The following USP24 variants were observed in gnomAD, a reference collection of about 807,000 sequenced individuals.
USP24 encodes the protein ubiquitin specific peptidase 24.
USP24 carries 97 observed loss-of-function variants against 361.6 expected under a neutral mutation model. The ratio of observed to expected loss-of-function variants is 0.27; its 90% CI spans 0.23 to 0.32. USP24 has a LOEUF of 0.32. Ranked by LOEUF, USP24 falls within the 10% of genes least tolerant of loss-of-function variation. The probability of loss-of-function intolerance (pLI) is 1.00; values close to 1 mark genes in which losing one functional copy is unlikely to be tolerated. For synonymous variants in USP24, 1,098 were observed against 1,124.6 expected, an observed-to-expected ratio of 0.98 and a Z score of 0.47; for missense variants, 2,353 against 3,165.6, an observed-to-expected ratio of 0.74 and a Z score of 6.16.
intron 7 of USP24, among the ~76,000 whole-genome samples, chr1:55,162,687 C>T (rs1433870053): frequency 6.6e-6 from 1 of 151,960 alleles, no homozygotes; most frequent in Non-Finnish European, 1.5e-5. Flanking sequence ...GGGGAGACAC[C>T]ATGTTTCTAA....
chr1:55,206,767 A>C (rs1000454383), intron 1 of USP24, among the ~76,000 whole-genome samples: 13 of 152,092 alleles, frequency 8.5e-5, no homozygotes, highest in African/African-American at 2.9e-4. Flanking sequence ...AGGCTATTCC[A>C]TAAAAAAGAG....
intron 1 of USP24, among the ~76,000 whole-genome samples, chr1:55,186,630 G>A (rs371674495): frequency 6.6e-6 from 1 of 152,182 alleles, no homozygotes; most frequent in East Asian, 1.9e-4. Flanking sequence ...GGAAGATCTT[G>A]AAGATATTAT....
intron 23 of USP24, 127 bp downstream of exon 23, chr1:55,142,615 C>G: frequency 2.9e-6 from 2 of 678,546 alleles, no homozygotes; most frequent in South Asian, 4.5e-5. Context: ...CAATATGGTA[C>G]TGTTGATAAA....
chr1:55,116,383 C>G (rs2100576125), intron 38 of USP24, among the ~76,000 whole-genome samples: 1 of 150,970 alleles, frequency 6.6e-6, no homozygotes, highest in East Asian at 1.9e-4. Flanking sequence ...CAAAAGTTGC[C>G]TCTTTGAATG....
intron 67 of USP24, chr1:55,071,372 T>C: frequency 1.0e-6 from 1 of 991,072 alleles, no homozygotes; most frequent in Non-Finnish European, 1.2e-6. Flanking sequence ...AAAATACATG[T>C]CAAAATTTTC....
At chr1:55,143,871 A>G (rs924605539) in intron 21 of USP24, among the ~76,000 whole-genome samples, 1 of 152,082 alleles carries the variant, frequency 6.6e-6, no homozygotes, top group Non-Finnish European at 1.5e-5. Context: ...GGCTGTCCCT[A>G]GATCAGCCAG....
chr1:55,137,675 T>C lies in USP24; in HGVS notation c.3041A>G (p.Lys1014Arg). 1 of 1,611,872 alleles carries C rather than the reference T, an allele frequency of 6.2e-7. No homozygotes were observed. Among genetic ancestry groups the C allele is most frequent in the Non-Finnish European group, 8.5e-7 (1 of 1,179,048 alleles). Residue 1014 changes from lysine (K) to arginine (R), a missense_variant, in exon 28 of 68, where the codon AAA (lysine) becomes AGA (arginine). Physicochemically the swap from Lys to Arg is conservative, Grantham distance 26 (BLOSUM62 2). Coordinates refer to ENST00000294383, the MANE Select transcript of USP24 (RefSeq NM_015306.3). ...FTNDSLLTVN[K>R]DQKLLHQLGF... is the part of the protein sequence containing the mutation. ...CAGTTGGTGGAGTAGCTTTTGATCT[T>C]TATTCACTGTCAGCTGCAAAAAGTG...
chr1:55,190,269 A>ACTAC (rs1644252196), intron 1 of USP24, among the ~76,000 whole-genome samples: 1 of 152,190 alleles, frequency 6.6e-6, no homozygotes, highest in African/African-American at 2.4e-5. Context: ...TGGTCTTAAA[A>ACTAC]CTGGAAGCAA....
intron 5 of USP24, among the ~76,000 whole-genome samples, chr1:55,167,417 G>C (rs891869412): frequency 3.3e-5 from 5 of 152,146 alleles, no homozygotes; most frequent in Non-Finnish European, 7.3e-5. Flanking sequence ...GCTGGGACAC[G>C]GTGAGCCAGG....
At position 55,120,738 on chromosome 1, in the gene USP24, C is replaced by T. The variant is rs1375434791; in HGVS notation, c.4366G>A (p.Asp1456Asn). The change falls in exon 38 of 68, where the codon GAT becomes AAT. Residue 1456 changes from aspartate (D) to asparagine (N), a missense_variant. Coordinates refer to ENST00000294383, the MANE Select transcript of USP24 (RefSeq NM_015306.3). The stretch of plus-strand genomic sequence containing the variant: ...GTCTGACTAAGAGTGTACAGCTGAT[C>T]ACAGGCAACCCGGCGAATCTGAAAT... The part of the protein sequence containing the change: ...PSAEIRRVAC[D>N]QLYTLSQTDT... 6.4e-7 allele frequency: 1 copy of T among 1,571,440 alleles called. No homozygotes were observed. Among genetic ancestry groups the T allele is most frequent in the East Asian group, 2.3e-5 (1 of 43,112 alleles).
chr1:55,135,836 T>C (rs1052527679), intron 28 of USP24, among the ~76,000 whole-genome samples: 3 of 152,164 alleles, frequency 2.0e-5, no homozygotes, highest in Admixed American at 6.5e-5. Flanking sequence ...TTCTAGACTA[T>C]AAAAGCCTAA....
At chr1:55,120,145 A>G (rs1005220562) in intron 38 of USP24, among the ~76,000 whole-genome samples, 3 of 152,160 alleles carry the variant, frequency 2.0e-5, no homozygotes, top group Admixed American at 6.5e-5. Context: ...TAGTCATCTC[A>G]TGAGTTTGGA....
At chr1:55,080,430 T>G (rs989079606) in intron 59 of USP24, among the ~76,000 whole-genome samples, 4 of 152,232 alleles carry the variant, frequency 2.6e-5, no homozygotes, top group African/African-American at 9.6e-5. Context: ...GGTCTGAGTT[T>G]GCATTCATGC....
chr1:55,070,127 T>C (rs1049112602), intron 67 of USP24, among the ~76,000 whole-genome samples: 1 of 151,476 alleles, frequency 6.6e-6, no homozygotes, highest in Admixed American at 6.6e-5. Flanking sequence ...CGGGATGACA[T>C]GGGGGTGCTG....
intron 37 of USP24, among the ~76,000 whole-genome samples, 179 bp downstream of exon 37, chr1:55,121,257 G>C (rs1055041597): frequency 1.3e-5 from 2 of 152,172 alleles, no homozygotes; most frequent in African/African-American, 4.8e-5. Context: ...GGAGGTAGTA[G>C]AAGGAAAGGC....
chr1:55,172,974 T>A (rs549512736), intron 3 of USP24, among the ~76,000 whole-genome samples: 11 of 152,222 alleles, frequency 7.2e-5, no homozygotes, highest in East Asian at 1.9e-4. Flanking sequence ...TTAAAAGATA[T>A]AACAAATATA....
chr1:55,195,601 G>A (rs1644396673), intron 1 of USP24, among the ~76,000 whole-genome samples: 1 of 152,152 alleles, frequency 6.6e-6, no homozygotes, highest in Non-Finnish European at 1.5e-5. Context: ...ACATAAGGAG[G>A]CCCATTCAGC....
chr1:55,078,419 T>C (rs565377542), intron 61 of USP24, 119 bp downstream of exon 61: 1 of 586,890 alleles, frequency 1.7e-6, no homozygotes, highest in African/African-American at 1.9e-5. Context: ...TATACTAGAA[T>C]GATTAGGAAA....
At chr1:55,209,403 A>G (rs947091263) in intron 1 of USP24, among the ~76,000 whole-genome samples, 1 of 152,160 alleles carries the variant, frequency 6.6e-6, no homozygotes, top group African/African-American at 2.4e-5. Context: ...CATGAAACAC[A>G]TAATAAAGCT....
Sources: allele counts gnomAD v4.1 joint callset (sites outside exome capture counted in the v4.1 genomes callset), GRCh38; gene constraint gnomAD v4.1.1; transcripts MANE v1.5; gene names NCBI Gene and HGNC (gene_info 2026-07-23, HGNC 2026-07-21).